The following HEPH variants were observed in gnomAD, a reference collection of about 807,000 sequenced individuals.
HEPH encodes the protein hephaestin.
Under a neutral mutation model 80.8 loss-of-function variants are expected in HEPH, and 69 were observed. The ratio of observed to expected loss-of-function variants is 0.85; its 90% CI spans 0.70 to 1.04. The LOEUF (loss-of-function observed/expected upper bound fraction) is 1.04, where lower values mean the gene tolerates loss of function less well. Among genes scored for constraint, HEPH ranks in the 50% least tolerant of loss-of-function variants. The probability of loss-of-function intolerance (pLI) is 0.00; values close to 1 mark genes in which losing one functional copy is unlikely to be tolerated. For synonymous variants in HEPH, 431 were observed against 322.8 expected (o/e 1.34, Z -3.60); for missense variants, 1,115 against 891.3 (o/e 1.25, Z -3.20).
chrX:66,207,279 T>C lies in HEPH; in HGVS notation c.2376T>C (p.Gly792=), dbSNP rs2088842038. ...KKAVFREYTD[G]TFRIPRPRTG... is the part of the protein sequence containing the mutation. ...CTGTATTCAGGGAATACACTGATGG[T>C]ACATTCAGGATCCCTCGGCCAAGGA... Residue 792 remains glycine (G), a synonymous_variant, in exon 14 of 21, where the codon GGT becomes GGC. Transcript: ENST00000343002. 1 of 1,203,726 alleles carries C rather than the reference T, an allele frequency of 8.3e-7. No individual in the cohort carries two copies. Among genetic ancestry groups the C allele is most frequent in the East Asian group, 3.0e-5 (1 of 33,687 alleles).
At chrX:66,193,157 T>A (rs915808468) in intron 7 of HEPH, among the ~76,000 whole-genome samples, 8 of 110,901 alleles carry the variant, frequency 7.2e-5, no homozygotes, top group African/African-American at 2.6e-4. Context: ...ATGTAGACTA[T>A]GAATCTCTGG....
At chrX:66,213,928 G>A (rs1379207959) in intron 15 of HEPH, among the ~76,000 whole-genome samples, 1 of 112,313 alleles carries the variant, frequency 8.9e-6, no homozygotes, top group Non-Finnish European at 1.9e-5. Flanking sequence ...CAAGAAAGAT[G>A]TTAATTTGAT....
At chrX:66,257,671 A>G (rs1378550830) in intron 17 of HEPH, among the ~76,000 whole-genome samples, 1 of 112,200 alleles carries the variant, frequency 8.9e-6, no homozygotes, top group Non-Finnish European at 1.9e-5. Context: ...TGAATCGGCT[A>G]TTGCCCATTT....
At chrX:66,203,213 C>A in intron 12 of HEPH, 151 bp from the exon 13 acceptor site, 1 of 458,628 alleles carries the variant, frequency 2.2e-6, no homozygotes. Context: ...TTTAAATACT[C>A]TTTTATCTAT....
At position 66,266,889 on chromosome X, in the gene HEPH, G is replaced by A; in HGVS notation, c.*217G>A. On this transcript the variant is annotated 3_prime_UTR_variant, in exon 21 of 21. Coordinates refer to ENST00000343002, the MANE Select transcript of HEPH (RefSeq NM_001367233.3). ...TTTCTTTGCTCTACGTGGGCACCTG[G>A]CACTAAGGGAGTACCTTATTATCCT... The A allele has an allele frequency of 2.6e-6, 1 of 391,427 alleles. No homozygotes were observed. The highest frequency in any genetic ancestry group is 5.3e-5 in the South Asian group (1 of 18,987). The allele number at this position is 391,427 out of a possible 1,213,427, so 32.3% of individuals were successfully genotyped here.
intron 4 of HEPH, among the ~76,000 whole-genome samples, chrX:66,187,880 T>A (rs1213892500): frequency 8.9e-6 from 1 of 112,358 alleles, no homozygotes. Flanking sequence ...CACCAAACTT[T>A]TCTCCTTTTT....
At chrX:66,193,233 A>T (rs773572920) in intron 7 of HEPH, among the ~76,000 whole-genome samples, 1 of 110,336 alleles carries the variant, frequency 9.1e-6, no homozygotes, top group East Asian at 2.9e-4. Context: ...ACTAAAATAG[A>T]ATTCCAATAA....
intron 20 of HEPH, among the ~76,000 whole-genome samples, chrX:66,264,899 G>A (rs749965619): frequency 1.2e-3 from 123 of 105,677 alleles, no homozygotes; most frequent in African/African-American, 4.1e-3. Context: ...CATACTTTGT[G>A]TGTATATTTG....
At chrX:66,224,821 ATCTC>A (rs747571260) in intron 15 of HEPH, among the ~76,000 whole-genome samples, 18 of 105,596 alleles carry the variant, frequency 1.7e-4, no homozygotes, top group South Asian at 1.7e-3. Flanking sequence ...AACTACTTGT[ATCTC>A]TCTCTCTCTC....
intron 19 of HEPH, among the ~76,000 whole-genome samples, chrX:66,262,368 A>G (rs1434989818): frequency 1.8e-5 from 2 of 111,819 alleles, no homozygotes; most frequent in South Asian, 7.5e-4. Flanking sequence ...GGTTTGACAG[A>G]CTGACAGATA....
At chrX:66,248,060 G>A (rs916440346) in intron 15 of HEPH, among the ~76,000 whole-genome samples, 9 of 109,283 alleles carry the variant, frequency 8.2e-5, no homozygotes, top group Non-Finnish European at 1.7e-4. Context: ...TCATACTCTG[G>A]ACCCCATTCC....
chrX:66,239,342 G>C (rs2090481902), intron 15 of HEPH, among the ~76,000 whole-genome samples: 1 of 111,434 alleles, frequency 9.0e-6, no homozygotes, highest in African/African-American at 3.3e-5. Context: ...CTTCAACCCA[G>C]CTTTTGTGTC....
intron 20 of HEPH, among the ~76,000 whole-genome samples, chrX:66,265,100 T>C (rs1374616241): frequency 9.0e-6 from 1 of 110,667 alleles, no homozygotes; most frequent in Non-Finnish European, 1.9e-5. Flanking sequence ...TGGTAGAATG[T>C]AAACTCAGAA....
At chrX:66,187,145 T>TTG (rs1569302455) in intron 4 of HEPH, among the ~76,000 whole-genome samples, 4 of 110,258 alleles carry the variant, frequency 3.6e-5, no homozygotes, top group Non-Finnish European at 7.6e-5. Flanking sequence ...TCTTATTTTT[T>TTG]TTGTTGTTGT....
chrX:66,232,078 A>G (rs1205949295), intron 15 of HEPH, among the ~76,000 whole-genome samples: 44 of 109,116 alleles, frequency 4.0e-4, no homozygotes, highest in African/African-American at 1.3e-3. Flanking sequence ...GCTGGATTAC[A>G]TTTATTGATT....
chrX:66,239,472 C>T (rs188491799), intron 15 of HEPH, among the ~76,000 whole-genome samples: 246 of 112,251 alleles, frequency 2.2e-3, no homozygotes, highest in African/African-American at 7.7e-3. Flanking sequence ...CTTTACTTAA[C>T]AAGTGTTTAT....
Position 66,249,703 on chromosome X carries a change from A to G in HEPH, c.2564-5332A>G, listed in dbSNP as rs899550261. Among the ~76,000 whole-genome samples the G allele has an allele frequency of 7.9e-4, 89 of 111,953 alleles. 2 individuals carry two copies. Among genetic ancestry groups the G allele is most frequent in the African/African-American group, 2.9e-3 (89 of 30,833 alleles). On this transcript the variant is annotated intron_variant, in intron 15 of 20. Coordinates refer to ENST00000343002, the MANE Select transcript of HEPH (RefSeq NM_001367233.3). Reference sequence around the variant, plus strand: ...GGTTAGTGGTACCCAACTTTAGTGGACATGACAATCACTTAGAGGGATTGT... The same window carrying G: ...GGTTAGTGGTACCCAACTTTAGTGGGCATGACAATCACTTAGAGGGATTGT...
At chrX:66,173,166 T>C (rs1014626813) in intron 3 of HEPH, among the ~76,000 whole-genome samples, 2 of 112,453 alleles carry the variant, frequency 1.8e-5, no homozygotes, top group Non-Finnish European at 3.8e-5. Context: ...TTCTCTTCCA[T>C]ACAATGGAGA....
At chrX:66,199,928 A>G (rs1386124302) in intron 11 of HEPH, among the ~76,000 whole-genome samples, 2 of 109,685 alleles carry the variant, frequency 1.8e-5, no homozygotes, top group African/African-American at 3.4e-5. Context: ...TCACAGGACA[A>G]TGGTGTGTGT....
Sources: allele counts gnomAD v4.1 joint callset (sites outside exome capture counted in the v4.1 genomes callset), GRCh38; gene constraint gnomAD v4.1.1; transcripts MANE v1.5; gene names NCBI Gene and HGNC (gene_info 2026-07-23, HGNC 2026-07-21).